The following ERBB4 variants were observed in gnomAD, a reference collection of about 807,000 sequenced individuals.
ERBB4 encodes the protein erb-b2 receptor tyrosine kinase 4, also known as receptor tyrosine-protein kinase erbB-4.
In ERBB4, 42 loss-of-function variants were observed where a neutral mutation model predicts 158.0. The observed-to-expected ratio is 0.27, with a 90% CI of 0.21 to 0.34. ERBB4 has a LOEUF of 0.34. ERBB4 is among the 10% of genes least tolerant of loss of function. ERBB4 has a pLI of 1.00. For synonymous variants in ERBB4, 583 were observed against 558.7 expected (o/e 1.04, Z -0.61); for missense variants, 1,333 against 1,624.1 (o/e 0.82, Z 3.08).
In ERBB4 at chr2:212,458,679, C is replaced by T. The variant is rs142238964; in HGVS notation, c.82+79770G>A. ...GTAAGACAGATTTAATGGGGAGATG[C>T]TGGAGGGACTGATTTGGAGACAATG... On this transcript the variant is annotated intron_variant, in intron 1 of 27. Transcript: ENST00000342788. 1.2e-4 allele frequency among the ~76,000 whole-genome samples: 18 copies of T among 151,588 alleles called. No individual in the cohort carries two copies. The East Asian group carries it at 3.3e-3, about 28-fold the overall frequency.
intron 1 of ERBB4, among the ~76,000 whole-genome samples, chr2:212,410,223 C>G (rs1002273649): frequency 7.3e-5 from 11 of 151,188 alleles, no homozygotes; most frequent in African/African-American, 2.7e-4. Context: ...ATGGTGACAA[C>G]TCTGTAATGT....
At chr2:211,599,511 T>TTGTGTGTGTG (rs201810389) in intron 19 of ERBB4, among the ~76,000 whole-genome samples, 2,596 of 20,834 alleles carry the variant, frequency 0.12, 79 homozygotes, top group African/African-American at 0.15. Flanking sequence ...AAATAATTTC[T>TTGTGTGTGTG]TCTGTGTGTG....
chr2:211,850,503 G>A (rs1446734432), intron 3 of ERBB4, among the ~76,000 whole-genome samples: 1 of 151,848 alleles, frequency 6.6e-6, no homozygotes, highest in Non-Finnish European at 1.5e-5. Context: ...CAGATATTTA[G>A]AAGTATATTA....
chr2:212,069,583 T>G (rs376279704), intron 2 of ERBB4, among the ~76,000 whole-genome samples: 3 of 152,026 alleles, frequency 2.0e-5, no homozygotes, highest in African/African-American at 4.8e-5. Context: ...AGTTTATTTT[T>G]AAAAGGTGTT....
At chr2:211,687,543 G>C (rs1012837655) in intron 12 of ERBB4, among the ~76,000 whole-genome samples, 5 of 147,858 alleles carry the variant, frequency 3.4e-5, no homozygotes. Context: ...GTTGTTTTTA[G>C]CATTGTATGT....
At chr2:212,508,370 G>A (rs1691311339) in intron 1 of ERBB4, among the ~76,000 whole-genome samples, 1 of 151,982 alleles carries the variant, frequency 6.6e-6, no homozygotes. Flanking sequence ...TGATCAAACT[G>A]ACCAGGCCAT....
intron 20 of ERBB4, among the ~76,000 whole-genome samples, chr2:211,468,337 T>G (rs565744124): frequency 1.8e-4 from 28 of 152,188 alleles, no homozygotes; most frequent in African/African-American, 6.5e-4. Flanking sequence ...TAAGAGAAGA[T>G]AAGATCAAAT....
intron 12 of ERBB4, among the ~76,000 whole-genome samples, chr2:211,683,295 T>G (rs1437138469): frequency 6.6e-6 from 1 of 152,112 alleles, no homozygotes; most frequent in Non-Finnish European, 1.5e-5. Flanking sequence ...ATCCTTAATT[T>G]TGTACTTGTA....
chr2:211,619,113 T>C, intron 19 of ERBB4, 64 bp downstream of exon 19: 1 of 981,458 alleles, frequency 1.0e-6, no homozygotes, highest in Non-Finnish European at 1.7e-6. Context: ...TGTTTTGCTT[T>C]AATTATCTAA....
At chr2:211,406,477 A>T (rs2063150184) in intron 25 of ERBB4, among the ~76,000 whole-genome samples, 1 of 152,216 alleles carries the variant, frequency 6.6e-6, no homozygotes, top group Non-Finnish European at 1.5e-5. Context: ...ATTAACATTT[A>T]TGAGGAATCT....
chr2:212,083,107 A>G (rs545173980), intron 2 of ERBB4, among the ~76,000 whole-genome samples: 3 of 152,068 alleles, frequency 2.0e-5, no homozygotes, highest in Non-Finnish European at 4.4e-5. Flanking sequence ...GAAAAGGCCC[A>G]TGAATAATAA....
intron 1 of ERBB4, among the ~76,000 whole-genome samples, chr2:212,433,642 G>A (rs531033355): frequency 3.2e-4 from 48 of 151,956 alleles, no homozygotes; most frequent in African/African-American, 1.1e-3. Context: ...TAGGTCCTTC[G>A]CAAAAGTTCT....
intron 1 of ERBB4, among the ~76,000 whole-genome samples, chr2:212,333,451 G>C (rs2088278103): frequency 6.6e-6 from 1 of 151,660 alleles, no homozygotes; most frequent in African/African-American, 2.4e-5. Flanking sequence ...GGCCAAGGCA[G>C]GAGAACTGCT....
chr2:212,193,991 TA>T (rs2082349885), intron 1 of ERBB4, among the ~76,000 whole-genome samples: 2 of 151,976 alleles, frequency 1.3e-5, no homozygotes, highest in African/African-American at 4.8e-5. Context: ...CACATTTCAA[TA>T]AAACAGTACA....
chr2:212,113,616 A>G (rs1473053699), intron 2 of ERBB4, among the ~76,000 whole-genome samples: 1 of 148,846 alleles, frequency 6.7e-6, no homozygotes, highest in Non-Finnish European at 1.5e-5. Context: ...AATTGGACAT[A>G]AGGGATTTGT....
Position 211,712,136 on chromosome 2 carries a change from C to A in ERBB4, c.1038G>T (p.Gln346His), listed in dbSNP as rs367841880. ...TGTCAATGTTACTGGAATCCACAGTCTGAGCTGACATCAATGATCCTGTGC... is the reference window on the plus strand; with the variant it reads ...TGTCAATGTTACTGGAATCCACAGTATGAGCTGACATCAATGATCCTGTGC... ...GIGTGSLMSA[Q>H]TVDSSNIDKF... Residue 346 changes from glutamine (Q) to histidine (H), a missense_variant, in exon 9 of 28, where the codon CAG becomes CAT. Physicochemically the swap from Gln to His is conservative, Grantham distance 24. Coordinates refer to ENST00000342788, the MANE Select transcript of ERBB4 (RefSeq NM_005235.3). 2 of 1,613,108 alleles carry A rather than the reference C, an allele frequency of 1.2e-6. No homozygotes were observed. The highest frequency in any genetic ancestry group is 1.7e-6 in the Non-Finnish European group (2 of 1,179,166).
chr2:212,023,257 T>A (rs548929539), intron 2 of ERBB4, among the ~76,000 whole-genome samples: 18 of 152,234 alleles, frequency 1.2e-4, no homozygotes, highest in African/African-American at 1.7e-4. Flanking sequence ...CTTTACTACA[T>A]AATTTTTGTA....
At chr2:212,200,332 T>C (rs2082555715) in intron 1 of ERBB4, among the ~76,000 whole-genome samples, 2 of 152,264 alleles carry the variant, frequency 1.3e-5, no homozygotes, top group African/African-American at 2.4e-5. Flanking sequence ...ATAAAGACTG[T>C]ATAATAGTTT....
intron 19 of ERBB4, among the ~76,000 whole-genome samples, chr2:211,566,398 C>T (rs569549937): frequency 1.3e-5 from 2 of 152,220 alleles, no homozygotes; most frequent in East Asian, 1.9e-4. Flanking sequence ...AAAATATCTG[C>T]GGAGACTGCT....
Sources: gnomAD v4.1 joint callset for allele counts (sites outside exome capture counted in the v4.1 genomes callset) on GRCh38, gnomAD v4.1.1 for gene constraint, MANE v1.5 for transcripts, NCBI Gene and HGNC (gene_info 2026-07-23, HGNC 2026-07-21) for gene names.